NHSL1: variants seen among roughly 807,000 people sequenced by gnomAD.
NHSL1 encodes NHS like 1.
A neutral mutation model predicts 95.0 loss-of-function variants in NHSL1; 48 were observed. That is an observed-to-expected ratio of 0.51 (90% CI 0.40 to 0.64). The LOEUF (loss-of-function observed/expected upper bound fraction) is 0.64. Among genes scored for constraint, NHSL1 ranks in the 30% least tolerant of loss-of-function variants. The probability of loss-of-function intolerance (pLI) is 0.00; values close to 1 mark genes in which losing one functional copy is unlikely to be tolerated. For missense variants in NHSL1, 1,971 were observed against 2,077.7 expected (o/e 0.95, Z 1.00); for synonymous variants, 783 against 833.9 (o/e 0.94, Z 1.05).
chr6:138,434,179 T>A (rs1775913082), intron 5 of NHSL1, among the ~76,000 whole-genome samples: 1 of 152,344 alleles, frequency 6.6e-6, no homozygotes, highest in Non-Finnish European at 1.5e-5. Flanking sequence ...TAATTCTTTA[T>A]GTCAGAAGGA....
chr6:138,587,252 C>A (rs575129544), intron 1 of NHSL1, among the ~76,000 whole-genome samples: 1 of 151,458 alleles, frequency 6.6e-6, no homozygotes, highest in South Asian at 2.1e-4. Flanking sequence ...GGATTACAGG[C>A]GTGAGCCACC....
At chr6:138,677,842 T>C (rs1785467949) in intron 1 of NHSL1, among the ~76,000 whole-genome samples, 1 of 152,196 alleles carries the variant, frequency 6.6e-6, no homozygotes. Flanking sequence ...AGTAGGTCTG[T>C]GGTAGGGCCA....
intron 3 of NHSL1, among the ~76,000 whole-genome samples, chr6:138,469,552 C>T (rs1250942899): frequency 6.6e-6 from 1 of 151,952 alleles, no homozygotes; most frequent in Admixed American, 6.6e-5. Context: ...GGCAACACCC[C>T]ATCTCTACAA....
At chr6:138,587,352 T>G (rs1784152730) in intron 1 of NHSL1, among the ~76,000 whole-genome samples, 1 of 150,610 alleles carries the variant, frequency 6.6e-6, no homozygotes, top group Admixed American at 6.6e-5. Flanking sequence ...GAAGCTGAAG[T>G]GGGTGGATCA....
At chr6:138,571,364 T>C (rs1004352434) in intron 1 of NHSL1, among the ~76,000 whole-genome samples, 1 of 152,166 alleles carries the variant, frequency 6.6e-6, no homozygotes, top group African/African-American at 2.4e-5. Context: ...AGCCCCAGAT[T>C]GCTATAAGGG....
intron 1 of NHSL1, among the ~76,000 whole-genome samples, chr6:138,588,562 C>G (rs949906082): frequency 2.0e-5 from 3 of 152,224 alleles, no homozygotes; most frequent in Admixed American, 6.5e-5. Context: ...ACCCCTCCAA[C>G]AGCATGGAGC....
intron 1 of NHSL1, among the ~76,000 whole-genome samples, chr6:138,588,214 G>A (rs1323705720): frequency 2.6e-5 from 4 of 152,236 alleles, no homozygotes; most frequent in East Asian, 1.9e-4. Flanking sequence ...TGTAATCTCA[G>A]CACTTTGGGA....
In NHSL1 at chr6:138,626,700, C is replaced by T. The variant is rs1028257291; in HGVS notation, c.96+65776G>A. On this transcript the variant is annotated intron_variant, in intron 1 of 3. Transcript: ENST00000491526. ...CGAGGTCAGGAGATCGAGACCATCC[C>T]GGCTAAAACGGTGAAACCCCGTCTC... Among the ~76,000 whole-genome samples the T allele has an allele frequency of 3.8e-5, 3 of 79,460 alleles. 1 individual carries two copies. Among genetic ancestry groups the T allele is most frequent in the Non-Finnish European group, 7.8e-5 (3 of 38,632 alleles). The allele number at this position is 79,460 out of a possible 152,430, so 52.1% of individuals were successfully genotyped here.
Position 138,577,689 on chromosome 6 carries a change from C to CAGTCCCT in NHSL1, c.97-81319_97-81318insAGGGACT, listed in dbSNP as rs1223836902. Among the ~76,000 whole-genome samples the CAGTCCCT allele has an allele frequency of 9.4e-4, 143 of 152,276 alleles. 1 individual carries two copies. The highest frequency in any genetic ancestry group is 3.2e-3 in the African/African-American group (135 of 41,540). On this transcript the variant is annotated intron_variant, in intron 1 of 3. Coordinates refer to the NHSL1 transcript ENST00000491526. ...CCAGACAACCCACAGGGACCTTTAG[C>CAGTCCCT]TTAGGACAGCGTACAGTAGGTTTTC...
At chr6:138,646,905 T>C (rs1196086946) in intron 1 of NHSL1, among the ~76,000 whole-genome samples, 2 of 152,228 alleles carry the variant, frequency 1.3e-5, no homozygotes, top group Admixed American at 6.5e-5. Flanking sequence ...CCATTAAGAA[T>C]TTTAATTAAA....
chr6:138,517,400 CTCTGTAT>C (rs1781501099), intron 1 of NHSL1, among the ~76,000 whole-genome samples: 1 of 152,196 alleles, frequency 6.6e-6, no homozygotes, highest in African/African-American at 2.4e-5. Flanking sequence ...AAAAAGCTTT[CTCTGTAT>C]TCATTTTTTA....
At chr6:138,484,931 A>G (rs1583280145) in intron 2 of NHSL1, among the ~76,000 whole-genome samples, 1 of 152,238 alleles carries the variant, frequency 6.6e-6, no homozygotes, top group African/African-American at 2.4e-5. Context: ...ACATGCCCAG[A>G]TTAATTTAAG....
intron 1 of NHSL1, among the ~76,000 whole-genome samples, chr6:138,512,882 G>C (rs1238382236): frequency 1.3e-5 from 2 of 152,190 alleles, no homozygotes; most frequent in Admixed American, 1.3e-4. Flanking sequence ...CTGTCTAGAT[G>C]GGGTTTTCCC....
At chr6:138,675,663 T>G (rs1293389058) in intron 1 of NHSL1, among the ~76,000 whole-genome samples, 1 of 152,048 alleles carries the variant, frequency 6.6e-6, no homozygotes. Context: ...GCCCCCCAAA[T>G]AGCTGGGATT....
chr6:138,589,585 A>G (rs932275183), intron 1 of NHSL1, among the ~76,000 whole-genome samples: 1 of 152,114 alleles, frequency 6.6e-6, no homozygotes, highest in Non-Finnish European at 1.5e-5. Context: ...CGCCTGTGAC[A>G]GTCTCTCTAC....
At chr6:138,469,063 G>A (rs1778579736) in intron 3 of NHSL1, among the ~76,000 whole-genome samples, 1 of 152,126 alleles carries the variant, frequency 6.6e-6, no homozygotes, top group East Asian at 1.9e-4. Context: ...GTGTTTCTGG[G>A]TCCTAAATGA....
chr6:138,429,071 T>G (rs914030236), intron 7 of NHSL1, among the ~76,000 whole-genome samples: 28 of 152,212 alleles, frequency 1.8e-4, no homozygotes, highest in Non-Finnish European at 2.9e-5. Context: ...ATATAAAAAG[T>G]GTAACAGTTC....
chr6:138,690,434 A>G (rs1003519346), intron 1 of NHSL1, among the ~76,000 whole-genome samples: 2 of 151,310 alleles, frequency 1.3e-5, no homozygotes, highest in Non-Finnish European at 2.9e-5. Context: ...GCCTTCTTGC[A>G]TGATTATTAA....
intron 3 of NHSL1, among the ~76,000 whole-genome samples, chr6:138,467,612 G>A (rs1223023707): frequency 6.6e-6 from 1 of 152,172 alleles, no homozygotes; most frequent in Non-Finnish European, 1.5e-5. Flanking sequence ...CTTCCAGTAG[G>A]ACAAGATGTG....
Sources: gnomAD v4.1 joint callset for allele counts (sites outside exome capture counted in the v4.1 genomes callset) on GRCh38, gnomAD v4.1.1 for gene constraint, MANE v1.5 for transcripts, NCBI Gene and HGNC (gene_info 2026-07-23, HGNC 2026-07-21) for gene names.